The following RASAL2 variants were observed in gnomAD, a reference collection of about 807,000 sequenced individuals.
RASAL2 encodes ras GTPase-activating protein nGAP.
Under a neutral mutation model 128.9 loss-of-function variants are expected in RASAL2, and 58 were observed. The ratio of observed to expected loss-of-function variants is 0.45; its 90% CI spans 0.36 to 0.56. The LOEUF is 0.56. Among genes scored for constraint, RASAL2 ranks in the 20% least tolerant of loss-of-function variants. RASAL2 has a pLI of 0.00. For synonymous variants in RASAL2, 561 were observed against 580.8 expected (o/e 0.97, Z 0.49); for missense variants, 1,360 against 1,601.6 (o/e 0.85, Z 2.57).
intron 1 of RASAL2, among the ~76,000 whole-genome samples, chr1:178,241,706 A>C (rs1348457244): frequency 6.6e-6 from 1 of 152,250 alleles, no homozygotes; most frequent in Non-Finnish European, 1.5e-5. Context: ...AAAGGTGTGC[A>C]GATGACATAC....
chr1:178,283,499 T>G, intron 1 of RASAL2, 65 bp from the exon 2 acceptor site: 1 of 1,556,374 alleles, frequency 6.4e-7, no homozygotes. Context: ...ATTTTACATT[T>G]GAAATACTGG....
intron 3 of RASAL2, among the ~76,000 whole-genome samples, chr1:178,383,597 GT>G (rs1467999218): frequency 6.6e-6 from 1 of 151,682 alleles, no homozygotes; most frequent in African/African-American, 2.4e-5. Flanking sequence ...AGCCTTTTTT[GT>G]TTCACAATTT....
intron 1 of RASAL2, among the ~76,000 whole-genome samples, chr1:178,129,752 A>G (rs983448186): frequency 1.3e-5 from 2 of 151,966 alleles, no homozygotes; most frequent in Non-Finnish European, 2.9e-5. Context: ...ATTTTTGTGT[A>G]TGATTATGAG....
At chr1:178,284,133 G>A (rs887262820) in intron 2 of RASAL2, among the ~76,000 whole-genome samples, 1 of 152,218 alleles carries the variant, frequency 6.6e-6, no homozygotes, top group South Asian at 2.1e-4. Flanking sequence ...AAGCACCCAC[G>A]AGCTAGCAGT....
At chr1:178,146,758 A>G (rs1282601313) in intron 1 of RASAL2, among the ~76,000 whole-genome samples, 2 of 152,172 alleles carry the variant, frequency 1.3e-5, no homozygotes, top group East Asian at 3.9e-4. Flanking sequence ...TTTTTTTGGT[A>G]GCAAATTATA....
At chr1:178,108,838 G>A (rs111525282) in intron 1 of RASAL2, among the ~76,000 whole-genome samples, 3,195 of 152,148 alleles carry the variant, frequency 0.021, 100 homozygotes, top group African/African-American at 0.069. Context: ...TATTTTCATC[G>A]AGTTGTATAA....
intron 1 of RASAL2, among the ~76,000 whole-genome samples, chr1:178,230,300 A>T (rs1489113399): frequency 6.6e-6 from 1 of 152,180 alleles, no homozygotes; most frequent in Middle Eastern, 3.2e-3. Context: ...ATTTCTCTTG[A>T]GTAAATACCT....
intron 3 of RASAL2, among the ~76,000 whole-genome samples, chr1:178,361,677 A>G (rs1258344766): frequency 6.6e-6 from 1 of 152,068 alleles, no homozygotes; most frequent in East Asian, 1.9e-4. Flanking sequence ...GTTTCATGGA[A>G]GATTTTTCCA....
chr1:178,170,774 A>G (rs1483501110), intron 1 of RASAL2, among the ~76,000 whole-genome samples: 1 of 151,758 alleles, frequency 6.6e-6, no homozygotes, highest in African/African-American at 2.4e-5. Context: ...TTCATCAGCA[A>G]TTCAACATAA....
intron 2 of RASAL2, among the ~76,000 whole-genome samples, chr1:178,294,367 G>A (rs968173063): frequency 5.9e-5 from 9 of 152,104 alleles, no homozygotes; most frequent in African/African-American, 2.2e-4. Flanking sequence ...CTGCTGAAGG[G>A]CTTTAAACCT....
Position 178,457,867 on chromosome 1 carries a change from G to A in RASAL2, c.2575G>A (p.Ala859Thr). The change falls in exon 14 of 18, where the codon GCT becomes ACT. Residue 859 changes from alanine (A) to threonine (T), a missense_variant. Transcript: ENST00000367649. Reference sequence around the variant, plus strand: ...CATGGACCTCCAGGACACTCATGCTGCTCAAGTGGAGCATGCATCTGTCAT... The same window carrying A: ...CATGGACCTCCAGGACACTCATGCTACTCAAGTGGAGCATGCATCTGTCAT... ...SLMDLQDTHA[A>T]QVEHASVMLD... 1 of 1,614,150 alleles carries A rather than the reference G, an allele frequency of 6.2e-7. No individual in the cohort carries two copies. The highest frequency in any genetic ancestry group is 1.3e-5 in the African/African-American group (1 of 75,036).
chr1:178,150,950 T>C (rs1387959723), intron 1 of RASAL2, among the ~76,000 whole-genome samples: 4 of 152,178 alleles, frequency 2.6e-5, no homozygotes, highest in Non-Finnish European at 5.9e-5. Context: ...GTGATATGGT[T>C]GTTTAAATGG....
At chr1:178,319,993 TG>T (rs1355864272) in intron 3 of RASAL2, among the ~76,000 whole-genome samples, 1 of 151,624 alleles carries the variant, frequency 6.6e-6, no homozygotes, top group Non-Finnish European at 1.5e-5. Context: ...CCTTTCTGTT[TG>T]TTAGTTTTCC....
intron 1 of RASAL2, among the ~76,000 whole-genome samples, chr1:178,228,409 G>A (rs192337361): frequency 2.4e-4 from 36 of 151,990 alleles, no homozygotes; most frequent in Middle Eastern, 3.4e-3. Context: ...GTGAAACCCC[G>A]TCTCTACTTA....
intron 1 of RASAL2, among the ~76,000 whole-genome samples, chr1:178,205,202 A>C (rs1160464916): frequency 6.6e-6 from 1 of 151,962 alleles, no homozygotes; most frequent in Non-Finnish European, 1.5e-5. Flanking sequence ...ACTGGGTTTC[A>C]CCATGTTGGC....
At chr1:178,457,039 A>T in intron 13 of RASAL2, 140 bp downstream of exon 13, 1 of 744,674 alleles carries the variant, frequency 1.3e-6, no homozygotes, top group Non-Finnish European at 2.1e-6. Context: ...GAGCAGTCCA[A>T]TTATTTGTCA....
intron 4 of RASAL2, among the ~76,000 whole-genome samples, chr1:178,396,639 T>C (rs937701055): frequency 6.6e-6 from 1 of 152,110 alleles, no homozygotes; most frequent in African/African-American, 2.4e-5. Context: ...ACCCTTGGTG[T>C]GCCTTTCTAC....
chr1:178,352,074 A>G (rs1670542078), intron 3 of RASAL2, among the ~76,000 whole-genome samples: 1 of 152,232 alleles, frequency 6.6e-6, no homozygotes, highest in African/African-American at 2.4e-5. Context: ...CATCAAAGGA[A>G]TCTTTGGCCA....
intron 1 of RASAL2, among the ~76,000 whole-genome samples, chr1:178,162,308 T>TATATATATAA (rs1452532619): frequency 1.5e-5 from 2 of 129,174 alleles, no homozygotes; most frequent in African/African-American, 5.9e-5. Context: ...TATATATATA[T>TATATATATAA]AATGTATTAT....
Sources: allele counts gnomAD v4.1 joint callset (sites outside exome capture counted in the v4.1 genomes callset), GRCh38; gene constraint gnomAD v4.1.1; transcripts MANE v1.5; gene names NCBI Gene and HGNC (gene_info 2026-07-23, HGNC 2026-07-21).